The following DGKH variants were observed in gnomAD, a reference collection of about 807,000 sequenced individuals.
DGKH encodes the protein diacylglycerol kinase eta, also known as DAG kinase eta.
In DGKH, 90 loss-of-function variants were observed where a neutral mutation model predicts 159.3. The observed-to-expected ratio is 0.57, with a 90% CI of 0.48 to 0.67. DGKH has a LOEUF of 0.67. DGKH is among the 30% of genes least tolerant of loss of function. The probability of loss-of-function intolerance (pLI) is 0.00; values close to 1 mark genes in which losing one functional copy is unlikely to be tolerated. For synonymous variants in DGKH, 536 were observed against 553.8 expected (o/e 0.97, Z 0.45); for missense variants, 1,181 against 1,506.1 (o/e 0.78, Z 3.57).
intron 3 of DGKH, among the ~76,000 whole-genome samples, chr13:42,144,712 A>T (rs1252328789): frequency 1.3e-5 from 2 of 151,942 alleles, no homozygotes; most frequent in Non-Finnish European, 2.9e-5. Flanking sequence ...AAGAAAAGAA[A>T]GGGGTTCCAT....
chr13:42,129,269 G>C (rs1278692102), intron 2 of DGKH, among the ~76,000 whole-genome samples: 1 of 152,192 alleles, frequency 6.6e-6, no homozygotes, highest in South Asian at 2.1e-4. Context: ...CACTCAGCAG[G>C]TTCCCCGTAA....
chr13:42,249,521 G>T (rs951158887), intron 29 of DGKH, among the ~76,000 whole-genome samples: 1 of 152,158 alleles, frequency 6.6e-6, no homozygotes, highest in African/African-American at 2.4e-5. Flanking sequence ...AACTTTTTAC[G>T]TAAAGGGCCA....
Position 42,181,606 on chromosome 13 carries a change from C to A in DGKH, c.1538+3386C>A, listed in dbSNP as rs1035489349. ...AGGCTGCTGCTGCTGTGCAGCTAGT[C>A]TCCCAGAGGCTCCTGGTAAGTGATG... On this transcript the variant is annotated intron_variant, in intron 13 of 29. Coordinates refer to ENST00000337343, the MANE Select transcript of DGKH (RefSeq NM_178009.5). 2.4e-5 allele frequency: 7 copies of A among 296,410 alleles called. No individual in the cohort carries two copies. In the East Asian group the frequency reaches 5.6e-4, roughly 24 times the overall value. 18.4% of individuals were successfully genotyped at this position (296,410 alleles called of 1,614,324 possible). A position where few individuals can be genotyped will look rare whatever the true frequency, so the allele number is the denominator to read the frequency against.
At chr13:42,195,858 C>G (rs963696939) in intron 17 of DGKH, 2 of 152,026 alleles carry the variant, frequency 1.3e-5, no homozygotes. Context: ...AGGACACTAT[C>G]GAGAAAGTGA....
At chr13:42,143,600 A>T (rs1434875370) in intron 3 of DGKH, among the ~76,000 whole-genome samples, 1 of 152,138 alleles carries the variant, frequency 6.6e-6, no homozygotes, top group African/African-American at 2.4e-5. Context: ...CTATTCAGAG[A>T]TTCAACTTCT....
At position 42,217,907 on chromosome 13, in the gene DGKH, G is replaced by A. The variant is rs572059651; in HGVS notation, c.3214-1323G>A. Among the ~76,000 whole-genome samples the A allele has an allele frequency of 4.6e-5, 7 of 152,184 alleles. No homozygotes were observed. The South Asian group carries it at 1.4e-3, about 32-fold the overall frequency. ...AAATTAGCCAGGCCTGGTGGCATGC[G>A]CCTGTAAACCCAGCTACTTTGGTGG... On this transcript the variant is annotated intron_variant, in intron 26 of 29. Transcript: ENST00000337343.
At chr13:42,171,356 C>G (rs1956450346) in intron 11 of DGKH, among the ~76,000 whole-genome samples, 1 of 152,206 alleles carries the variant, frequency 6.6e-6, no homozygotes, top group Non-Finnish European at 1.5e-5. Context: ...CACTCTTTCC[C>G]CTTTATGTGT....
chr13:42,071,346 G>T (rs1294933129), intron 1 of DGKH, among the ~76,000 whole-genome samples: 1 of 152,086 alleles, frequency 6.6e-6, no homozygotes, highest in Non-Finnish European at 1.5e-5. Context: ...TTCAAGAAAG[G>T]GGCAGCAACT....
At chr13:42,147,858 G>T (rs1292602021) in intron 3 of DGKH, among the ~76,000 whole-genome samples, 2 of 152,032 alleles carry the variant, frequency 1.3e-5, no homozygotes, top group Non-Finnish European at 2.9e-5. Context: ...AAGGTGCCTG[G>T]CTTACATAGA....
intron 3 of DGKH, among the ~76,000 whole-genome samples, chr13:42,149,786 A>G (rs1394251235): frequency 6.6e-6 from 1 of 152,244 alleles, no homozygotes; most frequent in Non-Finnish European, 1.5e-5. Flanking sequence ...AAAGTGCTAT[A>G]AAGATAAGAA....
intron 27 of DGKH, among the ~76,000 whole-genome samples, 167 bp downstream of exon 27, chr13:42,219,516 G>T (rs1258380790): frequency 6.6e-6 from 1 of 152,198 alleles, no homozygotes; most frequent in African/African-American, 2.4e-5. Flanking sequence ...ACGCATTTTA[G>T]GGGAATTGGG....
intron 13 of DGKH, among the ~76,000 whole-genome samples, chr13:42,178,633 G>C (rs1566162562): frequency 6.6e-6 from 1 of 152,176 alleles, no homozygotes; most frequent in Non-Finnish European, 1.5e-5. Context: ...TTTTCAAAAT[G>C]ATGTTTCTCA....
intron 1 of DGKH, chr13:42,070,601 A>G: frequency 1.2e-6 from 2 of 1,603,606 alleles, no homozygotes; most frequent in Non-Finnish European, 1.7e-6. Context: ...TTCAGCACCA[A>G]GTCTTCAGTA....
chr13:42,251,816 C>T (rs1409279210), intron 29 of DGKH, among the ~76,000 whole-genome samples: 1 of 152,160 alleles, frequency 6.6e-6, no homozygotes, highest in Non-Finnish European at 1.5e-5. Flanking sequence ...CCCATTACAG[C>T]GTGTTCCCAT....
In DGKH at chr13:42,239,511, A is replaced by G. The variant is rs1312930064; in HGVS notation, c.*10323A>G. The G allele has an allele frequency of 1.3e-5, 2 of 152,584 alleles. No individual in the cohort carries two copies. The highest frequency in any genetic ancestry group is 6.5e-5 in the Admixed American group (1 of 15,280). 9.5% of individuals were successfully genotyped at this position (152,584 alleles called of 1,614,324 possible). ...CAGTTGCATATTTCATTTTTTGATT[A>G]TGTCAAAAGTTGAATTCTCATTTTA... is the stretch of plus-strand genomic sequence containing the variant. On this transcript the variant is annotated 3_prime_UTR_variant, in exon 30 of 30. Transcript: ENST00000337343.
chr13:42,120,024 C>T (rs1955038661), intron 1 of DGKH, among the ~76,000 whole-genome samples: 1 of 152,144 alleles, frequency 6.6e-6, no homozygotes, highest in African/African-American at 2.4e-5. Flanking sequence ...CTCTCTATGG[C>T]AGTGTCCTTT....
At chr13:42,133,505 A>T (rs1415600752) in intron 3 of DGKH, among the ~76,000 whole-genome samples, 2 of 151,980 alleles carry the variant, frequency 1.3e-5, no homozygotes, top group Non-Finnish European at 2.9e-5. Context: ...CAGCCTGGGG[A>T]ACATAGTGAG....
chr13:42,229,240 T>C lies in DGKH; in HGVS notation c.*52T>C, dbSNP rs901081432. ...GAAGTTATTGCCACTTAATACAAAG[T>C]CCTTGGAAGCAAGTGGCTGTTCTTG... is the stretch of plus-strand genomic sequence containing the variant. On this transcript the variant is annotated 3_prime_UTR_variant, in exon 30 of 30. Transcript: ENST00000337343. 1 of 1,520,178 alleles carries C rather than the reference T, an allele frequency of 6.6e-7. No individual in the cohort carries two copies. The highest frequency in any genetic ancestry group is 1.4e-5 in the African/African-American group (1 of 71,172). 94.2% of individuals were successfully genotyped at this position (1,520,178 alleles called of 1,614,324 possible). A position where few individuals can be genotyped will look rare whatever the true frequency, so the allele number is the denominator to read the frequency against.
chr13:42,143,565 C>T (rs1177895657), intron 3 of DGKH, among the ~76,000 whole-genome samples: 7 of 152,158 alleles, frequency 4.6e-5, no homozygotes, highest in Admixed American at 2.6e-4. Context: ...TAATTATTGC[C>T]TCAATTTCAG....
Sources: gnomAD v4.1 joint callset for allele counts (sites outside exome capture counted in the v4.1 genomes callset) on GRCh38, gnomAD v4.1.1 for gene constraint, MANE v1.5 for transcripts, NCBI Gene and HGNC (gene_info 2026-07-23, HGNC 2026-07-21) for gene names.